NAA35: variants seen among roughly 807,000 people sequenced by gnomAD.
NAA35 encodes the protein N-alpha-acetyltransferase 35, NatC auxiliary subunit, also known as MAK10 homolog, amino-acid N-acetyltransferase subunit.
A neutral mutation model predicts 101.7 loss-of-function variants in NAA35; 18 were observed. The observed-to-expected ratio is 0.18, with a 90% CI of 0.12 to 0.26. The LOEUF (loss-of-function observed/expected upper bound fraction) is 0.26. NAA35 is among the 10% of genes least tolerant of loss of function. NAA35 has a pLI of 1.00. For synonymous variants in NAA35, 267 were observed against 273.1 expected, an observed-to-expected ratio of 0.98 and a Z score of 0.22; for missense variants, 601 against 886.8, an observed-to-expected ratio of 0.68 and a Z score of 4.09.
rs1188296422 is a variant in NAA35 at position 85,975,124 on chromosome 9, A to G, written c.594A>G (p.Lys198=). 2 of 1,613,646 alleles carry G rather than the reference A, an allele frequency of 1.2e-6. No individual in the cohort carries two copies. The change falls in exon 8 of 23, where the codon AAA becomes AAG. Residue 198 remains lysine, a synonymous_variant. Coordinates refer to ENST00000361671, the MANE Select transcript of NAA35 (RefSeq NM_024635.4). The part of the protein sequence containing the change: ...VTDLRVTGML[K]DVEDDMQRRV... ...TGTTTCTTTTTCTAGGCATGCTAAA[A>G]GATGTGGAGGATGACATGCAAAGAA...
At chr9:85,953,972 A>G (rs1205845983) in intron 2 of NAA35, among the ~76,000 whole-genome samples, 1 of 152,210 alleles carries the variant, frequency 6.6e-6, no homozygotes, top group Non-Finnish European at 1.5e-5. Flanking sequence ...ATTGTGAATA[A>G]TGCTACTGTG....
chr9:86,020,849 A>G (rs1832505374), intron 21 of NAA35, 40 bp from the exon 22 acceptor site: 1 of 1,496,382 alleles, frequency 6.7e-7, no homozygotes. Flanking sequence ...AATTTTGACT[A>G]TGAAGTTAAT....
intron 12 of NAA35, among the ~76,000 whole-genome samples, chr9:85,999,974 C>T (rs1037919478): frequency 6.6e-6 from 1 of 151,960 alleles, no homozygotes; most frequent in African/African-American, 2.4e-5. Flanking sequence ...AGATAAATTT[C>T]TTTAAAAAAA....
At chr9:85,961,943 T>C in intron 5 of NAA35, 70 bp from the exon 6 acceptor site, 1 of 1,300,048 alleles carries the variant, frequency 7.7e-7, no homozygotes, top group Non-Finnish European at 1.1e-6. Flanking sequence ...GGCCTTTGAC[T>C]CTAGGATCAA....
At chr9:85,966,065 G>A (rs1038885021) in intron 6 of NAA35, among the ~76,000 whole-genome samples, 9 of 152,080 alleles carry the variant, frequency 5.9e-5, no homozygotes, top group South Asian at 2.1e-4. Flanking sequence ...CAAGCCTCCC[G>A]AGTAGCTAAG....
At chr9:86,017,382 A>C (rs1832280948) in intron 18 of NAA35, 116 bp from the exon 19 acceptor site, 4 of 790,750 alleles carry the variant, frequency 5.1e-6, no homozygotes, top group Non-Finnish European at 8.1e-6. Flanking sequence ...AACACACTGA[A>C]GTTTTAATTT....
At chr9:86,017,149 T>G (rs920240823) in intron 18 of NAA35, among the ~76,000 whole-genome samples, 20 of 152,266 alleles carry the variant, frequency 1.3e-4, no homozygotes, top group Admixed American at 1.2e-3. Context: ...TGGCTGCAAT[T>G]ATTATAAAAT....
At chr9:86,013,206 T>A in intron 16 of NAA35, 62 bp downstream of exon 16, 1 of 1,012,882 alleles carries the variant, frequency 9.9e-7, no homozygotes, top group Non-Finnish European at 1.5e-6. Context: ...TCCAGATTTT[T>A]AAAAACAATA....
intron 6 of NAA35, among the ~76,000 whole-genome samples, chr9:85,964,517 A>G (rs773186599): frequency 7.9e-5 from 12 of 152,182 alleles, no homozygotes; most frequent in Non-Finnish European, 1.3e-4. Context: ...TTTTCCCTAC[A>G]ATACAGGATC....
At chr9:86,015,055 C>T (rs1051350717) in intron 17 of NAA35, among the ~76,000 whole-genome samples, 1 of 152,094 alleles carries the variant, frequency 6.6e-6, no homozygotes, top group Non-Finnish European at 1.5e-5. Context: ...TGCACCACTG[C>T]ACCTGGCTAC....
intron 11 of NAA35, among the ~76,000 whole-genome samples, chr9:85,990,311 C>A (rs2118195598): frequency 6.6e-6 from 1 of 152,358 alleles, no homozygotes; most frequent in African/African-American, 2.4e-5. Flanking sequence ...TCAGACACCT[C>A]CTGTTAGGCC....
chr9:85,996,363 AGTT>A, intron 11 of NAA35, 33 bp from the exon 12 acceptor site: 1 of 1,443,816 alleles, frequency 6.9e-7, no homozygotes. Flanking sequence ...TTCAGAGAAA[AGTT>A]GAAAAATTTT....
chr9:86,006,291 C>G (rs766456982), intron 13 of NAA35, among the ~76,000 whole-genome samples: 48 of 152,156 alleles, frequency 3.2e-4, no homozygotes, highest in Non-Finnish European at 5.9e-4. Flanking sequence ...AAACATGCAG[C>G]TCACACTCCT....
At chr9:86,016,349 A>C (rs968943872) in intron 17 of NAA35, among the ~76,000 whole-genome samples, 190 bp from the exon 18 acceptor site, 3 of 152,214 alleles carry the variant, frequency 2.0e-5, no homozygotes, top group African/African-American at 7.2e-5. Flanking sequence ...ATCTTCTGGA[A>C]AGTTGTAAAA....
intron 6 of NAA35, among the ~76,000 whole-genome samples, chr9:85,970,321 A>G (rs565995917): frequency 6.6e-6 from 1 of 152,326 alleles, no homozygotes; most frequent in East Asian, 1.9e-4. Context: ...GTTTTTGAAT[A>G]CTTATTTCTG....
At chr9:85,946,423 C>T (rs1004326314) in intron 2 of NAA35, among the ~76,000 whole-genome samples, 2 of 152,210 alleles carry the variant, frequency 1.3e-5, no homozygotes, top group African/African-American at 4.8e-5. Flanking sequence ...GCAACATTCT[C>T]TCCTGGGATG....
intron 6 of NAA35, 39 bp downstream of exon 6, chr9:85,962,219 G>A (rs762939785): frequency 1.2e-5 from 19 of 1,592,564 alleles, no homozygotes; most frequent in East Asian, 1.1e-4. Context: ...GGCCAGGTGC[G>A]GTGGCTCATG....
chr9:85,958,463 T>C lies in NAA35; in HGVS notation c.159-9T>C. Reference sequence around the variant, plus strand: ...AAACAATTTGTTGGCTCAATTTTTTTATTTGCAGATTTGGTCTTTTTGAAG... The same window carrying C: ...AAACAATTTGTTGGCTCAATTTTTTCATTTGCAGATTTGGTCTTTTTGAAG... On this transcript the variant is annotated splice_polypyrimidine_tract_variant and intron_variant, in intron 3 of 22. Coordinates refer to ENST00000361671, the MANE Select transcript of NAA35 (RefSeq NM_024635.4). The C allele has an allele frequency of 6.3e-7, 1 of 1,575,440 alleles. No homozygotes were observed.
At position 86,007,535 on chromosome 9, in the gene NAA35, T is replaced by C. The variant is rs532527450; in HGVS notation, c.1223+71T>C. On this transcript the variant is annotated intron_variant, in intron 14 of 22. Transcript: ENST00000361671. Reference sequence around the variant, plus strand: ...AAAAGCCCAACTTCTCTGTACTCCTTCTTTATAGCCAAAGTATCAAAATTG... The same window carrying C: ...AAAAGCCCAACTTCTCTGTACTCCTCCTTTATAGCCAAAGTATCAAAATTG... The C allele has an allele frequency of 1.8e-4, 195 of 1,076,664 alleles. 5 individuals carry two copies. The South Asian group carries it at 1.9e-3, about 10-fold the overall frequency. The allele number at this position is 1,076,664 out of a possible 1,614,324, so 66.7% of individuals were successfully genotyped here.
Sources: gnomAD v4.1 joint callset for allele counts (sites outside exome capture counted in the v4.1 genomes callset) on GRCh38, gnomAD v4.1.1 for gene constraint, MANE v1.5 for transcripts, NCBI Gene and HGNC (gene_info 2026-07-23, HGNC 2026-07-21) for gene names.